DDX42: variants seen among roughly 807,000 people sequenced by gnomAD.
The protein encoded by DDX42 is ATP-dependent RNA helicase DDX42.
Under a neutral mutation model 101.5 loss-of-function variants are expected in DDX42, and 22 were observed. The ratio of observed to expected loss-of-function variants is 0.22; its 90% CI spans 0.15 to 0.31. The LOEUF is 0.31. DDX42 is among the 10% of genes least tolerant of loss of function. The pLI is 1.00. For synonymous variants in DDX42, 402 were observed against 401.2 expected (o/e 1.00, Z -0.02); for missense variants, 849 against 1,199.9 (o/e 0.71, Z 4.32).
In DDX42 at chr17:63,811,911, GTTTCA is replaced by G. The variant is rs1278028409; in HGVS notation, c.1399-16_1399-12del. On this transcript the variant is annotated splice_polypyrimidine_tract_variant and intron_variant, in intron 13 of 17. Transcript: ENST00000389924. Reference sequence around the variant, plus strand: ...TGTGGCTCCAATGTCACAATCATCTGTTTCATTTCTTCCTTCTCAGGCAAATGAAG... The same window carrying G: ...TGTGGCTCCAATGTCACAATCATCTGTTTCTTCCTTCTCAGGCAAATGAAG... 1 of 1,614,018 alleles carries G rather than the reference GTTTCA, an allele frequency of 6.2e-7. No individual in the cohort carries two copies. The highest frequency in any genetic ancestry group is 8.5e-7 in the Non-Finnish European group (1 of 1,180,000).
Position 63,806,531 on chromosome 17 carries a change from C to G in DDX42, c.727-4C>G. On this transcript the variant is annotated splice_polypyrimidine_tract_variant and splice_region_variant and intron_variant, in intron 7 of 17. Coordinates refer to ENST00000389924, the MANE Select transcript of DDX42 (RefSeq NM_203499.3). ...TCATTCTGGGGAGTTGTCTCTATCTCTAGGTCTCTGGTGCTGCACCTCCTA... is the reference window on the plus strand; with the variant it reads ...TCATTCTGGGGAGTTGTCTCTATCTGTAGGTCTCTGGTGCTGCACCTCCTA... 6.2e-7 allele frequency: 1 copy of G among 1,610,230 alleles called. No homozygotes were observed.
At chr17:63,811,831 C>G in intron 13 of DDX42, 101 bp from the exon 14 acceptor site, 1 of 1,486,494 alleles carries the variant, frequency 6.7e-7, no homozygotes, top group Non-Finnish European at 9.2e-7. Flanking sequence ...TGGGATTGTT[C>G]AAGGTCTTCT....
rs747726846 is a variant in DDX42, at chr17:63,787,175, C to G, written c.126C>G (p.Thr42=). 1.2e-6 allele frequency: 2 copies of G among 1,614,182 alleles called. No homozygotes were observed. The highest frequency in any genetic ancestry group is 1.7e-6 in the Non-Finnish European group (2 of 1,180,044). The change falls in exon 2 of 18, where the codon ACC becomes ACG. Residue 42 remains threonine, a synonymous_variant. Transcript: ENST00000389924. The stretch of plus-strand genomic sequence containing the variant: ...AGTCCCACAGTGCCTTTGGGGCAAC[C>G]AGCTCTTCTTCTGGATTTGGAAAGT... ...PQQSHSAFGA[T]SSSSGFGKSA... is the part of the protein sequence containing the mutation.
Position 63,807,871 on chromosome 17 carries a change from G to T in DDX42, c.994G>T (p.Val332Leu). 1 of 1,613,870 alleles carries T rather than the reference G, an allele frequency of 6.2e-7. No individual in the cohort carries two copies. The highest frequency in any genetic ancestry group is 2.2e-5 in the East Asian group (1 of 44,852). The change falls in exon 9 of 18, where the codon GTG becomes TTG. Residue 332 changes from valine to leucine, a missense_variant. Around this residue, in one of 5 missense-constraint regions of DDX42, gnomAD observed 370 missense variants for 608.8 expected, o/e 0.61. Transcript: ENST00000389924. Reference protein sequence around the residue: ...EPGDGPIAVIVCPTRELCQQI... With the variant: ...EPGDGPIAVILCPTRELCQQI... ...AGGTGATGGACCAATTGCAGTGATTGTGTGTCCTACCAGGGAGCTTTGCCA... is the reference window on the plus strand; with the variant it reads ...AGGTGATGGACCAATTGCAGTGATTTTGTGTCCTACCAGGGAGCTTTGCCA...
chr17:63,783,920 T>C (rs2039517151), intron 1 of DDX42, among the ~76,000 whole-genome samples: 1 of 151,982 alleles, frequency 6.6e-6, no homozygotes, highest in Admixed American at 6.6e-5. Context: ...AAAAATTAGC[T>C]GAGCCTGGTG....
rs553630281 is a variant in DDX42, at chr17:63,817,567, C to G, written c.2113-127C>G. 3 of 882,080 alleles carry G rather than the reference C, an allele frequency of 3.4e-6. No homozygotes were observed. The Admixed American group carries it at 8.1e-5, about 24-fold the overall frequency. The allele number at this position is 882,080 out of a possible 1,614,324, so 54.6% of individuals were successfully genotyped here. On this transcript the variant is annotated intron_variant, in intron 17 of 17. Coordinates refer to ENST00000389924, the MANE Select transcript of DDX42 (RefSeq NM_203499.3). ...AAAAGGGACCATACTGTGGGGCCATCAGGACACTAAACTCACAGTGCCAGG... is the reference window on the plus strand; with the variant it reads ...AAAAGGGACCATACTGTGGGGCCATGAGGACACTAAACTCACAGTGCCAGG...
At position 63,800,454 on chromosome 17, in the gene DDX42, G is replaced by A. The variant is rs772772214; in HGVS notation, c.472-14G>A. ...TGTACTTGGGTGTGATTATGTTCTT[G>A]TGCTTTCCTGCAGGAAGCTTATTTT... is the stretch of plus-strand genomic sequence containing the variant. On this transcript the variant is annotated splice_polypyrimidine_tract_variant and intron_variant, in intron 5 of 17. Coordinates refer to ENST00000389924, the MANE Select transcript of DDX42 (RefSeq NM_203499.3). The A allele has an allele frequency of 2.1e-5, 34 of 1,611,936 alleles. No homozygotes were observed. Among genetic ancestry groups the A allele is most frequent in the Non-Finnish European group, 2.8e-5 (33 of 1,179,010 alleles).
At chr17:63,813,969 A>G (rs1334637844) in intron 15 of DDX42, among the ~76,000 whole-genome samples, 1 of 151,928 alleles carries the variant, frequency 6.6e-6, no homozygotes, top group African/African-American at 2.4e-5. Flanking sequence ...CCTCCCAAGC[A>G]GTTGTGATTA....
intron 1 of DDX42, among the ~76,000 whole-genome samples, chr17:63,784,134 T>C (rs2039520004): frequency 6.6e-6 from 1 of 152,116 alleles, no homozygotes; most frequent in South Asian, 2.1e-4. Flanking sequence ...ATAATAGCAG[T>C]TGAACAAAAC....
rs138224520 is a variant in DDX42 at position 63,789,546 on chromosome 17, C to CGTTTTTTT, written c.221+2276_221+2277insGTTTTTTT. ...ATTGGAAAAAAAAGCTTCTAAAAGA[C>CGTTTTTTT]TTTTTTGTTTTTGTTTTTGTTTTTG... On this transcript the variant is annotated intron_variant, in intron 2 of 17. Transcript: ENST00000389924. Among the ~76,000 whole-genome samples, 11 of 121,838 alleles carry CGTTTTTTT rather than the reference C, an allele frequency of 9.0e-5. 4 individuals carry two copies. The highest frequency in any genetic ancestry group is 3.1e-4 in the African/African-American group (9 of 29,356). The allele number at this position is 121,838 out of a possible 152,430, so 79.9% of individuals were successfully genotyped here.
At chr17:63,789,547 TTTTTTG>T (rs1292801466) in intron 2 of DDX42, among the ~76,000 whole-genome samples, 6 of 18,988 alleles carry the variant, frequency 3.2e-4, no homozygotes, top group South Asian at 5.1e-3. Flanking sequence ...TCTAAAAGAC[TTTTTTG>T]TTTTTGTTTT....
chr17:63,806,704 C>T, intron 8 of DDX42, 50 bp downstream of exon 8: 2 of 1,545,634 alleles, frequency 1.3e-6, no homozygotes, highest in Non-Finnish European at 1.7e-6. Flanking sequence ...TCTTTCATGA[C>T]TATATTAATT....
chr17:63,775,396 C>A (rs970479691), intron 1 of DDX42, among the ~76,000 whole-genome samples: 1 of 151,916 alleles, frequency 6.6e-6, no homozygotes, highest in African/African-American at 2.4e-5. Flanking sequence ...TTTCTAGTAG[C>A]GGGAGGAGAG....
chr17:63,785,478 T>C, intron 1 of DDX42, among the ~76,000 whole-genome samples: 1 of 133,800 alleles, frequency 7.5e-6, no homozygotes, highest in Middle Eastern at 5.6e-3. Context: ...AAATTTTTTT[T>C]GGGCCAGGTG....
chr17:63,774,419 G>A lies in DDX42; in HGVS notation c.-17+43G>A. The A allele has an allele frequency of 9.1e-6, 2 of 220,174 alleles. 1 individual carries two copies. The highest frequency in any genetic ancestry group is 1.8e-5 in the Non-Finnish European group (2 of 111,714). 13.6% of individuals were successfully genotyped at this position (220,174 alleles called of 1,614,324 possible). On this transcript the variant is annotated intron_variant, in intron 1 of 17. Transcript: ENST00000389924. ...CTGGACGCAAGGCCGCCAGTCCTTG[G>A]GGGCACTGGAGGCAACTGCTGGGCC... is the stretch of plus-strand genomic sequence containing the variant.
intron 1 of DDX42, among the ~76,000 whole-genome samples, chr17:63,781,051 C>T (rs2039481718): frequency 6.6e-6 from 1 of 152,142 alleles, no homozygotes; most frequent in East Asian, 1.9e-4. Context: ...CTTTCTCCTT[C>T]CTATCATTGA....
intron 4 of DDX42, among the ~76,000 whole-genome samples, chr17:63,799,164 A>G (rs1244509218): frequency 2.0e-5 from 3 of 152,196 alleles, no homozygotes; most frequent in Non-Finnish European, 2.9e-5. Context: ...CCCTAGAGCT[A>G]GAAACTTTGG....
chr17:63,810,630 C>T, intron 12 of DDX42, 70 bp downstream of exon 12: 1 of 1,436,560 alleles, frequency 7.0e-7, no homozygotes, highest in Non-Finnish European at 9.8e-7. Context: ...TATAAGCACT[C>T]AGAGTTATGG....
intron 11 of DDX42, 102 bp from the exon 12 acceptor site, chr17:63,810,411 A>G (rs2039895769): frequency 7.8e-7 from 1 of 1,284,120 alleles, no homozygotes. Flanking sequence ...AATTTTCTTA[A>G]TTCTTACAAC....
Sources: allele counts gnomAD v4.1 joint callset (sites outside exome capture counted in the v4.1 genomes callset), GRCh38; gene constraint gnomAD v4.1.1; regional missense constraint gnomAD v4.1.1; transcripts MANE v1.5; gene names NCBI Gene and HGNC (gene_info 2026-07-23, HGNC 2026-07-21).